Variants in ADAMTS16 observed in about 807,000 individuals in gnomAD.
ADAMTS16 encodes A disintegrin and metalloproteinase with thrombospondin motifs 16.
In ADAMTS16, 94 loss-of-function variants were observed where a neutral mutation model predicts 145.8. The ratio of observed to expected loss-of-function variants is 0.64; its 90% CI spans 0.55 to 0.77. The LOEUF is 0.77. Ranked by LOEUF, ADAMTS16 falls within the 30% of genes least tolerant of loss-of-function variation. The probability of loss-of-function intolerance (pLI) is 0.00; values close to 1 mark genes in which losing one functional copy is unlikely to be tolerated. For synonymous variants in ADAMTS16, 659 were observed against 604.3 expected (o/e 1.09, Z -1.33); for missense variants, 1,585 against 1,591.5 (o/e 1.00, Z 0.07).
chr5:5,316,018 T>C (rs1199391460), intron 21 of ADAMTS16, among the ~76,000 whole-genome samples: 8 of 152,246 alleles, frequency 5.3e-5, no homozygotes, highest in Middle Eastern at 6.8e-3. Flanking sequence ...CCAACTTTTC[T>C]CCTCTCAGTG....
chr5:5,179,085 A>G (rs1735269104), intron 3 of ADAMTS16, among the ~76,000 whole-genome samples: 1 of 151,196 alleles, frequency 6.6e-6, no homozygotes, highest in African/African-American at 2.4e-5. Context: ...TCACTAGATC[A>G]TATACTTTAA....
chr5:5,195,684 G>A (rs1383154034), intron 8 of ADAMTS16, among the ~76,000 whole-genome samples: 1 of 152,158 alleles, frequency 6.6e-6, no homozygotes, highest in Non-Finnish European at 1.5e-5. Context: ...TATATTAACT[G>A]TGTGCAGAAG....
chr5:5,187,686 C>T (rs1356082938), intron 5 of ADAMTS16, 39 bp from the exon 6 acceptor site: 3 of 1,431,876 alleles, frequency 2.1e-6, no homozygotes, highest in Admixed American at 1.7e-5. Context: ...GGGGAAAATG[C>T]CATTTATGGG....
chr5:5,202,891 T>A (rs1382794490), intron 9 of ADAMTS16, among the ~76,000 whole-genome samples: 1 of 152,152 alleles, frequency 6.6e-6, no homozygotes, highest in Admixed American at 6.5e-5. Flanking sequence ...GATAATTACA[T>A]GCTCGGGGAA....
intron 11 of ADAMTS16, among the ~76,000 whole-genome samples, chr5:5,226,656 C>T (rs1367614995): frequency 6.6e-6 from 1 of 152,158 alleles, no homozygotes; most frequent in East Asian, 1.9e-4. Context: ...CGGTCAGTAT[C>T]CCACTGTTGT....
At chr5:5,165,965 G>A (rs542218710) in intron 3 of ADAMTS16, among the ~76,000 whole-genome samples, 3 of 152,054 alleles carry the variant, frequency 2.0e-5, no homozygotes, top group Non-Finnish European at 2.9e-5. Context: ...CGACTCCCTC[G>A]CACTGTCCTT....
chr5:5,165,164 G>A (rs965254394), intron 3 of ADAMTS16, among the ~76,000 whole-genome samples: 9 of 152,032 alleles, frequency 5.9e-5, no homozygotes, highest in African/African-American at 2.2e-4. Context: ...CACCTCCAGT[G>A]CCTTTTTTGG....
At chr5:5,279,297 T>C (rs1003498955) in intron 18 of ADAMTS16, among the ~76,000 whole-genome samples, 3 of 152,240 alleles carry the variant, frequency 2.0e-5, no homozygotes, top group African/African-American at 7.2e-5. Context: ...AACAGGATTC[T>C]GGGGTGGAAG....
chr5:5,168,627 A>ATATATAATATATATAATTATATT (rs1560931880), intron 3 of ADAMTS16, among the ~76,000 whole-genome samples: 1 of 88,248 alleles, frequency 1.1e-5, no homozygotes, highest in African/African-American at 4.0e-5. Flanking sequence ...ATATTATATT[A>ATATATAATATATATAATTATATT]TATATAATAT....
intron 3 of ADAMTS16, among the ~76,000 whole-genome samples, chr5:5,154,156 C>T (rs1734542855): frequency 6.6e-6 from 1 of 152,178 alleles, no homozygotes; most frequent in African/African-American, 2.4e-5. Context: ...GAAGAACCCA[C>T]ATGGGGGTAT....
chr5:5,195,880 G>A (rs1735786343), intron 8 of ADAMTS16, among the ~76,000 whole-genome samples: 1 of 152,140 alleles, frequency 6.6e-6, no homozygotes, highest in Admixed American at 6.5e-5. Context: ...CAAGTAATGA[G>A]AGCTGTCGGT....
intron 18 of ADAMTS16, among the ~76,000 whole-genome samples, chr5:5,285,084 C>G (rs548196755): frequency 6.6e-6 from 1 of 152,228 alleles, no homozygotes; most frequent in South Asian, 2.1e-4. Flanking sequence ...CTCACTTGCA[C>G]CATCTCTCCC....
intron 3 of ADAMTS16, chr5:5,175,976 A>G (rs1735183143): frequency 1.3e-5 from 2 of 152,226 alleles, no homozygotes; most frequent in Admixed American, 1.3e-4. Flanking sequence ...GGTTAAAACC[A>G]TGTACTGTGG....
intron 4 of ADAMTS16, among the ~76,000 whole-genome samples, chr5:5,183,653 C>G (rs78889416): frequency 0.019 from 2,824 of 152,320 alleles, 91 homozygotes; most frequent in African/African-American, 0.065. Context: ...TTTCGTTCCT[C>G]TCTGAAGGTG....
In ADAMTS16 at chr5:5,222,785, T is replaced by C. The variant is rs767029220; in HGVS notation, c.1606-4T>C. 8.1e-6 allele frequency: 13 copies of C among 1,613,538 alleles called. No homozygotes were observed. The African/African-American group carries it at 1.3e-4, about 17-fold the overall frequency. Reference sequence around the variant, plus strand: ...CCTAATGACCTTTTACAAAATTTCTTTAGGACATCTGTAAAGCCCTGTGGT... The same window carrying C: ...CCTAATGACCTTTTACAAAATTTCTCTAGGACATCTGTAAAGCCCTGTGGT... On this transcript the variant is annotated splice_polypyrimidine_tract_variant and splice_region_variant and intron_variant, in intron 10 of 22. Coordinates refer to ENST00000274181, the MANE Select transcript of ADAMTS16 (RefSeq NM_139056.4).
chr5:5,276,800 C>T (rs1267801013), intron 18 of ADAMTS16, among the ~76,000 whole-genome samples: 1 of 152,068 alleles, frequency 6.6e-6, no homozygotes, highest in African/African-American at 2.4e-5. Flanking sequence ...GAACATCTCC[C>T]TCAGAGTGTG....
At chr5:5,214,077 G>A (rs777356927) in intron 10 of ADAMTS16, among the ~76,000 whole-genome samples, 2 of 152,188 alleles carry the variant, frequency 1.3e-5, no homozygotes, top group Non-Finnish European at 2.9e-5. Context: ...GTGCTCCCAG[G>A]CAGAGAGGTG....
chr5:5,160,917 T>C (rs1734725300), intron 3 of ADAMTS16, among the ~76,000 whole-genome samples: 1 of 152,194 alleles, frequency 6.6e-6, no homozygotes, highest in Admixed American at 6.5e-5. Flanking sequence ...CAGTGTTCGA[T>C]AGATTTGGGC....
chr5:5,190,236 C>A, intron 7 of ADAMTS16, 106 bp downstream of exon 7: 1 of 1,275,704 alleles, frequency 7.8e-7, no homozygotes. Context: ...TAAGCAGTAG[C>A]AGCTTCTTAG....
Sources: gnomAD v4.1 joint callset for allele counts (sites outside exome capture counted in the v4.1 genomes callset) on GRCh38, gnomAD v4.1.1 for gene constraint, MANE v1.5 for transcripts, NCBI Gene and HGNC (gene_info 2026-07-23, HGNC 2026-07-21) for gene names.